WIPF2: variants seen among roughly 807,000 people sequenced by gnomAD.
WIPF2 encodes the protein WAS/WASL-interacting protein family member 2.
Under a neutral mutation model 38.8 loss-of-function variants are expected in WIPF2, and 23 were observed. The ratio of observed to expected loss-of-function variants is 0.59; its 90% confidence interval spans 0.43 to 0.84. WIPF2 has a LOEUF of 0.84. WIPF2 is among the 40% of genes least tolerant of loss of function. WIPF2 has a pLI of 0.00. For missense variants in WIPF2, 574 were observed against 580.5 expected (o/e 0.99, Z 0.11); for synonymous variants, 210 against 223.2 (o/e 0.94, Z 0.53).
In WIPF2 at chr17:40,274,130, G is replaced by T. The variant is rs77798565; in HGVS notation, c.1180+131G>T. 1,388 of 691,010 alleles carry T rather than the reference G, an allele frequency of 2.0e-3. 16 individuals are homozygous for T. In the African/African-American group the frequency reaches 0.024, roughly 12 times the overall value. The allele number at this position is 691,010 out of a possible 1,614,324, so 42.8% of individuals were successfully genotyped here. A position where few individuals can be genotyped will look rare whatever the true frequency, so the allele number is the denominator to read the frequency against. ...ATCCTTTGTTCACAATAGTTCTCCTGCTGACTTCATCCTCAGAGGTATGGG... is the reference window on the plus strand; with the variant it reads ...ATCCTTTGTTCACAATAGTTCTCCTTCTGACTTCATCCTCAGAGGTATGGG... On this transcript the variant is annotated intron_variant, in intron 6 of 7. Transcript: ENST00000323571.
chr17:40,256,346 T>G, intron 1 of WIPF2, 45 bp from the exon 2 acceptor site: 1 of 1,497,188 alleles, frequency 6.7e-7, no homozygotes, highest in Non-Finnish European at 8.9e-7. Flanking sequence ...GGCACTTGTA[T>G]CTAATGGTAA....
intron 6 of WIPF2, among the ~76,000 whole-genome samples, chr17:40,274,614 GAAAGAAA>G (rs1421170828): frequency 6.3e-5 from 9 of 142,946 alleles, no homozygotes; most frequent in African/African-American, 2.4e-4. Context: ...ACATTGCCTG[GAAAGAAA>G]AAAGAAGAAA....
At chr17:40,251,934 T>C (rs544623861) in intron 1 of WIPF2, among the ~76,000 whole-genome samples, 1 of 152,298 alleles carries the variant, frequency 6.6e-6, no homozygotes, top group Non-Finnish European at 1.5e-5. Flanking sequence ...TTGATATAGA[T>C]GGTGTTTCTT....
chr17:40,220,595 A>ATATATATATATATG (rs2030162380), intron 1 of WIPF2: 1 of 77,040 alleles, frequency 1.3e-5, no homozygotes, highest in African/African-American at 5.8e-5. Context: ...ATATATATAT[A>ATATATATATATATG]TATATATATA....
At chr17:40,254,274 C>T (rs1375758940) in intron 1 of WIPF2, among the ~76,000 whole-genome samples, 1 of 152,158 alleles carries the variant, frequency 6.6e-6, no homozygotes, top group Non-Finnish European at 1.5e-5. Flanking sequence ...TTCTCCATCT[C>T]CCAAAGTGTT....
chr17:40,264,587 T>C lies in WIPF2; in HGVS notation c.411T>C (p.Asp137=). The C allele has an allele frequency of 6.2e-7, 1 of 1,614,080 alleles. No homozygotes were observed. Among genetic ancestry groups the C allele is most frequent in the Non-Finnish European group, 8.5e-7 (1 of 1,180,012 alleles). ...VSAASGRPQD[D]TDSSRASLPE... is the part of the protein sequence containing the mutation. ...CCGCCAGCGGGCGTCCTCAGGATGA[T>C]ACAGACAGCAGCCGGGCCTCACTCC... The change falls in exon 5 of 8, where the codon GAT becomes GAC. Residue 137 remains aspartate (D), a synonymous_variant. Coordinates refer to ENST00000323571, the MANE Select transcript of WIPF2 (RefSeq NM_133264.5).
intron 6 of WIPF2, among the ~76,000 whole-genome samples, chr17:40,276,736 A>C (rs2032413341): frequency 6.6e-6 from 1 of 152,046 alleles, no homozygotes; most frequent in South Asian, 2.1e-4. Context: ...AAGATGGTGA[A>C]ACCCCGTCTC....
At chr17:40,226,863 T>G (rs2030513237) in intron 1 of WIPF2, among the ~76,000 whole-genome samples, 1 of 151,986 alleles carries the variant, frequency 6.6e-6, no homozygotes, top group Non-Finnish European at 1.5e-5. Flanking sequence ...TGCCTTAGCC[T>G]CCTGAGTAGC....
rs776238864 is a variant in WIPF2, at chr17:40,260,594, A to G, written c.123A>G (p.Leu41=). ...AGCAGCGGGGTCGAGGCGCCCTCTTACAGGACATTTGCAAAGGGACCAAGC... is the reference window on the plus strand; with the variant it reads ...AGCAGCGGGGTCGAGGCGCCCTCTTGCAGGACATTTGCAAAGGGACCAAGC... ...RDEQRGRGAL[L]QDICKGTKLK... is the part of the protein sequence containing the mutation. Residue 41 remains leucine, a synonymous_variant, in exon 3 of 8, where the codon TTA becomes TTG. Coordinates refer to ENST00000323571, the MANE Select transcript of WIPF2 (RefSeq NM_133264.5). 15 of 1,613,852 alleles carry G rather than the reference A, an allele frequency of 9.3e-6. 1 individual carries two copies. In the South Asian group the frequency reaches 1.5e-4, roughly 17 times the overall value.
In WIPF2 at chr17:40,264,491, G is replaced by C. The variant is rs1353432407; in HGVS notation, c.315G>C (p.Glu105Asp). 1 of 1,614,000 alleles carries C rather than the reference G, an allele frequency of 6.2e-7. No homozygotes were observed. The highest frequency in any genetic ancestry group is 8.5e-7 in the Non-Finnish European group (1 of 1,180,018). The change falls in exon 5 of 8, where the codon GAG (glutamate) becomes GAC (aspartate). Residue 105 changes from glutamate (E) to aspartate (D), a missense_variant and splice_region_variant. Transcript: ENST00000323571. ...CCTGTGTTGTCTATGTATTTGTAGA[G>C]AACCTAGCTGGTAAGCCAGCCCTGC... ...LRPVGAKDGS[E>D]NLAGKPALQI...
intron 1 of WIPF2, among the ~76,000 whole-genome samples, chr17:40,229,627 G>A (rs528687658): frequency 6.6e-6 from 1 of 151,916 alleles, no homozygotes; most frequent in Non-Finnish European, 1.5e-5. Context: ...CACCATGTTG[G>A]CCAGGCTGGC....
intron 1 of WIPF2, chr17:40,220,573 G>GTGTATGTA (rs1431477384): frequency 1.3e-5 from 1 of 77,108 alleles, no homozygotes; most frequent in Admixed American, 1.8e-4. Flanking sequence ...GTGTGTGTGT[G>GTGTATGTA]TATATATATA....
At position 40,273,849 on chromosome 17, in the gene WIPF2, C is replaced by A. The variant is rs1210069784; in HGVS notation, c.1030C>A (p.Pro344Thr). ...TGCCAGGGATGCTCCCCCTCCCCCA[C>A]CACCATACCGAATGCATGGGTCAGA... ...NGARDAPPPP[P>T]PYRMHGSEPP... Residue 344 changes from proline to threonine, a missense_variant, in exon 6 of 8, where the codon CCA becomes ACA. Coordinates refer to ENST00000323571, the MANE Select transcript of WIPF2 (RefSeq NM_133264.5). 6.3e-7 allele frequency: 1 copy of A among 1,584,710 alleles called. No individual in the cohort carries two copies. The highest frequency in any genetic ancestry group is 8.6e-7 in the Non-Finnish European group (1 of 1,157,418).
chr17:40,253,824 C>A (rs2145356489), intron 1 of WIPF2, among the ~76,000 whole-genome samples: 1 of 152,254 alleles, frequency 6.6e-6, no homozygotes, highest in Non-Finnish European at 1.5e-5. Flanking sequence ...TTTACTGTCT[C>A]ATTTCTGATC....
At chr17:40,224,541 C>T (rs572508822) in intron 1 of WIPF2, among the ~76,000 whole-genome samples, 2 of 151,898 alleles carry the variant, frequency 1.3e-5, no homozygotes, top group African/African-American at 2.4e-5. Context: ...CCACCGCGCC[C>T]GGCCCAGCCT....
At position 40,264,499 on chromosome 17, in the gene WIPF2, C is replaced by T; in HGVS notation, c.323C>T (p.Ala108Val). 1 of 1,614,110 alleles carries T rather than the reference C, an allele frequency of 6.2e-7. No individual in the cohort carries two copies. Among genetic ancestry groups the T allele is most frequent in the Admixed American group, 1.7e-5 (1 of 60,006 alleles). ...VGAKDGSENL[A>V]GKPALQIPSS... ...GTCTATGTATTTGTAGAGAACCTAG[C>T]TGGTAAGCCAGCCCTGCAAATCCCC... Residue 108 changes from alanine (A) to valine (V), a missense_variant, in exon 5 of 8, where the codon GCT becomes GTT. Transcript: ENST00000323571.
intron 6 of WIPF2, among the ~76,000 whole-genome samples, chr17:40,274,361 T>C (rs1311731835): frequency 6.6e-6 from 1 of 151,984 alleles, no homozygotes; most frequent in African/African-American, 2.4e-5. Flanking sequence ...GGAGTGTTCC[T>C]TTCTAGCTCT....
In WIPF2 at chr17:40,279,792, T is replaced by G. The variant is rs933750462; in HGVS notation, c.*1567T>G. The G allele has an allele frequency of 6.9e-6, 1 of 144,074 alleles. No individual in the cohort carries two copies. The highest frequency in any genetic ancestry group is 1.5e-5 in the Non-Finnish European group (1 of 67,366). The allele number at this position is 144,074 out of a possible 1,614,324, so 8.9% of individuals were successfully genotyped here. A position where few individuals can be genotyped will look rare whatever the true frequency, so the allele number is the denominator to read the frequency against. ...GATGGGGAAAATTAGCTTAAAAATTTAATCACGAGATTGCGCCACTGCACT... is the reference window on the plus strand; with the variant it reads ...GATGGGGAAAATTAGCTTAAAAATTGAATCACGAGATTGCGCCACTGCACT... On this transcript the variant is annotated 3_prime_UTR_variant, in exon 8 of 8. Transcript: ENST00000323571.
intron 1 of WIPF2, among the ~76,000 whole-genome samples, chr17:40,220,768 C>G (rs1005545354): frequency 4.1e-5 from 6 of 146,404 alleles, no homozygotes; most frequent in Non-Finnish European, 7.5e-5. Flanking sequence ...GTGCCTGGCC[C>G]AGAATTCGTT....
Sources: allele counts gnomAD v4.1 joint callset (sites outside exome capture counted in the v4.1 genomes callset), GRCh38; gene constraint gnomAD v4.1.1; transcripts MANE v1.5; gene names NCBI Gene and HGNC (gene_info 2026-07-23, HGNC 2026-07-21).